SPATS2L: variants seen among roughly 807,000 people sequenced by gnomAD.
SPATS2L encodes the protein spermatogenesis associated serine rich 2 like.
A neutral mutation model predicts 59.6 loss-of-function variants in SPATS2L; 30 were observed. The observed-to-expected ratio is 0.50, with a 90% confidence interval of 0.38 to 0.68. The LOEUF (loss-of-function observed/expected upper bound fraction) is 0.68. Among genes scored for constraint, SPATS2L ranks in the 30% least tolerant of loss-of-function variants. SPATS2L has a pLI of 0.00. For synonymous variants in SPATS2L, 252 were observed against 263.5 expected, an observed-to-expected ratio of 0.96 and a Z score of 0.42; for missense variants, 615 against 700.0, an observed-to-expected ratio of 0.88 and a Z score of 1.37.
chr2:200,352,239 C>A (rs1574469852), intron 2 of SPATS2L, among the ~76,000 whole-genome samples: 2 of 149,252 alleles, frequency 1.3e-5, no homozygotes, highest in Non-Finnish European at 3.0e-5. Context: ...TACTTAAAGA[C>A]CATAAAATGA....
At chr2:200,323,210 T>C (rs1456028787) in intron 1 of SPATS2L, among the ~76,000 whole-genome samples, 1 of 152,192 alleles carries the variant, frequency 6.6e-6, no homozygotes, top group South Asian at 2.1e-4. Flanking sequence ...GTGGTAGCTG[T>C]CTACCCCTGG....
intron 3 of SPATS2L, among the ~76,000 whole-genome samples, chr2:200,399,343 C>G (rs1292293380): frequency 6.6e-6 from 1 of 152,050 alleles, no homozygotes; most frequent in Non-Finnish European, 1.5e-5. Context: ...TGGGCTGATT[C>G]CACTTAGCAT....
intron 4 of SPATS2L, 24 bp downstream of exon 4, chr2:200,412,443 C>A: frequency 2.2e-6 from 3 of 1,368,380 alleles, no homozygotes; most frequent in South Asian, 2.6e-5. Context: ...TACCCTGCAG[C>A]TGAAGATGTT....
chr2:200,404,054 A>G (rs2105965079), intron 3 of SPATS2L, among the ~76,000 whole-genome samples: 1 of 152,184 alleles, frequency 6.6e-6, no homozygotes, highest in African/African-American at 2.4e-5. Flanking sequence ...TCCATTCCAC[A>G]TGGGTTTTGA....
At chr2:200,441,325 C>A (rs1378583529) in intron 8 of SPATS2L, among the ~76,000 whole-genome samples, 2 of 152,082 alleles carry the variant, frequency 1.3e-5, no homozygotes, top group African/African-American at 2.4e-5. Flanking sequence ...AATGTTTGAA[C>A]CCTGTATATT....
intron 1 of SPATS2L, chr2:200,308,986 C>T (rs2079112138): frequency 1.4e-6 from 1 of 714,798 alleles, no homozygotes. Context: ...TGAGAAGCTG[C>T]TCTGCCACAC....
chr2:200,405,464 A>G (rs1316175793), intron 3 of SPATS2L, among the ~76,000 whole-genome samples: 1 of 152,040 alleles, frequency 6.6e-6, no homozygotes, highest in Non-Finnish European at 1.5e-5. Flanking sequence ...ACAGCACCTC[A>G]TGCATATTTT....
At chr2:200,460,614 A>G (rs1425744176) in intron 9 of SPATS2L, among the ~76,000 whole-genome samples, 1 of 151,574 alleles carries the variant, frequency 6.6e-6, no homozygotes. Flanking sequence ...AGCCGGGCGT[A>G]GTGGTGGGCA....
chr2:200,451,891 T>G (rs1441773620), intron 8 of SPATS2L, among the ~76,000 whole-genome samples: 1 of 152,072 alleles, frequency 6.6e-6, no homozygotes, highest in Non-Finnish European at 1.5e-5. Context: ...TATTTTGTGC[T>G]TGAGACAAAG....
At chr2:200,410,809 C>CT (rs1441742599) in intron 3 of SPATS2L, among the ~76,000 whole-genome samples, 1 of 152,114 alleles carries the variant, frequency 6.6e-6, no homozygotes, top group Non-Finnish European at 1.5e-5. Flanking sequence ...CCTCTGGTCT[C>CT]TAAGTTCCAG....
chr2:200,346,835 A>G (rs1048968343), intron 2 of SPATS2L, among the ~76,000 whole-genome samples: 2 of 152,032 alleles, frequency 1.3e-5, no homozygotes, highest in Non-Finnish European at 2.9e-5. Context: ...GCTCATAAAT[A>G]TGTAGCTTGA....
At chr2:200,308,562 A>G (rs1050666122) in intron 1 of SPATS2L, among the ~76,000 whole-genome samples, 1 of 152,206 alleles carries the variant, frequency 6.6e-6, no homozygotes, top group African/African-American at 2.4e-5. Context: ...AACAGAAAAC[A>G]TGTCAAATCT....
chr2:200,430,983 G>T (rs1432621064), intron 6 of SPATS2L, among the ~76,000 whole-genome samples: 1 of 152,064 alleles, frequency 6.6e-6, no homozygotes, highest in East Asian at 1.9e-4. Context: ...TTCCCAAAGT[G>T]CTGGGATTAC....
intron 6 of SPATS2L, among the ~76,000 whole-genome samples, chr2:200,435,237 T>C (rs2084202032): frequency 1.3e-5 from 2 of 152,200 alleles, no homozygotes; most frequent in Non-Finnish European, 2.9e-5. Flanking sequence ...CAGGACATTA[T>C]ATACCATTTG....
chr2:200,386,248 A>G (rs923570368), intron 2 of SPATS2L, among the ~76,000 whole-genome samples: 12 of 152,192 alleles, frequency 7.9e-5, no homozygotes, highest in African/African-American at 2.9e-4. Flanking sequence ...TGGGCAAGGA[A>G]TGGGTCCCTG....
Position 200,348,335 on chromosome 2 carries a change from A to G in SPATS2L, c.-23+18855A>G, listed in dbSNP as rs1442561844. 2.0e-5 allele frequency among the ~76,000 whole-genome samples: 3 copies of G among 152,236 alleles called. No homozygotes were observed. The East Asian group carries it at 5.8e-4, about 29-fold the overall frequency. On this transcript the variant is annotated intron_variant, in intron 2 of 12. Transcript: ENST00000409140. Reference sequence around the variant, plus strand: ...GATGCATGTTGAGACATGGTAAACAACGAGACAGATGATTATGGCCACAGT... The same window carrying G: ...GATGCATGTTGAGACATGGTAAACAGCGAGACAGATGATTATGGCCACAGT...
chr2:200,477,513 TATAAAAA>T (rs1559171449), intron 12 of SPATS2L, 116 bp from the exon 13 acceptor site: 1 of 555,366 alleles, frequency 1.8e-6, no homozygotes, highest in Non-Finnish European at 2.7e-6. Context: ...TCTTCTGGTG[TATAAAAA>T]AAAAAAAAAA....
chr2:200,383,972 A>G (rs1264134869), intron 2 of SPATS2L: 10 of 1,002,156 alleles, frequency 1.0e-5, no homozygotes, highest in Non-Finnish European at 1.2e-5. Flanking sequence ...ACACAATCAA[A>G]CAGGAGGGAG....
chr2:200,403,220 T>C (rs2082588148), intron 3 of SPATS2L, among the ~76,000 whole-genome samples: 1 of 152,178 alleles, frequency 6.6e-6, no homozygotes, highest in African/African-American at 2.4e-5. Context: ...AGTCCTCTGC[T>C]CTAATCCAAC....
Sources: gnomAD v4.1 joint callset for allele counts (sites outside exome capture counted in the v4.1 genomes callset) on GRCh38, gnomAD v4.1.1 for gene constraint, MANE v1.5 for transcripts, NCBI Gene and HGNC (gene_info 2026-07-23, HGNC 2026-07-21) for gene names.